Variants in NBAS observed in about 807,000 individuals in gnomAD.
The protein encoded by NBAS is NBAS subunit of NRZ tethering complex.
A neutral mutation model predicts 302.5 loss-of-function variants in NBAS; 219 were observed. The ratio of observed to expected loss-of-function variants is 0.72; its 90% CI spans 0.65 to 0.81. The LOEUF is 0.81. Among genes scored for constraint, NBAS ranks in the 30% least tolerant of loss-of-function variants. NBAS has a pLI of 0.00. For missense variants in NBAS, 2,932 were observed against 2,841.6 expected, an observed-to-expected ratio of 1.03 and a Z score of -0.72; for synonymous variants, 1,118 against 1,021.6, an observed-to-expected ratio of 1.09 and a Z score of -1.80.
intron 33 of NBAS, among the ~76,000 whole-genome samples, chr2:15,355,842 G>A (rs552018159): frequency 1.2e-3 from 185 of 152,090 alleles, no homozygotes; most frequent in Admixed American, 2.9e-3. Context: ...ACTGTGAGCC[G>A]ATTAAACCTC....
At chr2:14,942,262 T>C in the NBAS span, among the ~76,000 whole-genome samples, 1 of 152,144 alleles carries the variant, frequency 6.6e-6, no homozygotes, top group Middle Eastern at 3.2e-3. Context: ...CCAAATCTCG[T>C]GTCAAATAGT....
At chr2:15,234,407 G>A (rs1027393087) in intron 46 of NBAS, 138 bp downstream of exon 46, 5 of 854,938 alleles carry the variant, frequency 5.8e-6, no homozygotes, top group Admixed American at 4.0e-5. Context: ...AAGACTATGA[G>A]AACTCTAAAA....
At chr2:15,389,222 C>T (rs1178121468) in intron 28 of NBAS, among the ~76,000 whole-genome samples, 1 of 152,176 alleles carries the variant, frequency 6.6e-6, no homozygotes, top group African/African-American at 2.4e-5. Flanking sequence ...CAATACTGAG[C>T]CCTAGTCCAC....
the NBAS span, among the ~76,000 whole-genome samples, chr2:15,034,065 GGAA>G: frequency 2.1e-5 from 1 of 46,762 alleles, no homozygotes; most frequent in African/African-American, 1.1e-4. Flanking sequence ...GAGGAGGAGG[GGAA>G]GGAGAGGAAG....
chr2:15,327,001 C>T (rs1672100040), intron 38 of NBAS, among the ~76,000 whole-genome samples: 1 of 152,122 alleles, frequency 6.6e-6, no homozygotes, highest in South Asian at 2.1e-4. Context: ...GCTCAGTTAA[C>T]AGACGGCACT....
At chr2:15,099,476 G>C in the NBAS span, among the ~76,000 whole-genome samples, 1 of 151,954 alleles carries the variant, frequency 6.6e-6, no homozygotes, top group African/African-American at 2.4e-5. Flanking sequence ...GGAGCACAGA[G>C]GAAGAAGTTA....
At chr2:15,486,943 T>C (rs1680652932) in intron 12 of NBAS, among the ~76,000 whole-genome samples, 1 of 152,066 alleles carries the variant, frequency 6.6e-6, no homozygotes, top group Admixed American at 6.6e-5. Flanking sequence ...GTCTCTGGAT[T>C]TTCAGTAAAC....
chr2:15,179,179 GGCTGGATCATTCCACCCCTTTTTCT>G, intron 50 of NBAS, 63 bp from the exon 51 acceptor site: 1 of 1,611,802 alleles, frequency 6.2e-7, no homozygotes, highest in Middle Eastern at 1.9e-4. Context: ...GCACGGTTCT[GGCTGGATCATTCCACCCCTTTTTCT>G]GTGGTAGCGT....
At chr2:15,282,472 G>A (rs1040424647) in intron 42 of NBAS, among the ~76,000 whole-genome samples, 3 of 152,052 alleles carry the variant, frequency 2.0e-5, no homozygotes, top group Admixed American at 2.0e-4. Context: ...ACCCATTCTT[G>A]CATCTGGGAC....
chr2:15,342,777 A>G (rs1229625199), intron 35 of NBAS, among the ~76,000 whole-genome samples: 1 of 152,120 alleles, frequency 6.6e-6, no homozygotes, highest in Non-Finnish European at 1.5e-5. Context: ...TAGATGTTTC[A>G]CATCTAATTT....
the NBAS span, among the ~76,000 whole-genome samples, chr2:14,877,620 G>A: frequency 2.6e-5 from 4 of 152,030 alleles, no homozygotes; most frequent in Admixed American, 6.5e-5. Flanking sequence ...GGGGAGTTAG[G>A]AAAACATGGG....
chr2:14,990,126 A>G, the NBAS span, among the ~76,000 whole-genome samples: 2 of 151,826 alleles, frequency 1.3e-5, no homozygotes, highest in Non-Finnish European at 2.9e-5. Flanking sequence ...TAAATTGTTA[A>G]AACAGGCCAG....
the NBAS span, among the ~76,000 whole-genome samples, chr2:14,986,328 C>G: frequency 1.3e-5 from 2 of 152,090 alleles, no homozygotes; most frequent in Admixed American, 6.5e-5. Flanking sequence ...ATAGAGTAGC[C>G]CATTAAATCC....
the NBAS span, among the ~76,000 whole-genome samples, chr2:14,882,819 C>G: frequency 6.6e-6 from 1 of 152,212 alleles, no homozygotes; most frequent in Non-Finnish European, 1.5e-5. Context: ...ATAGTAGGAG[C>G]CTGATAGGTT....
chr2:14,816,275 C>T, the NBAS span, among the ~76,000 whole-genome samples: 1 of 152,222 alleles, frequency 6.6e-6, no homozygotes, highest in Non-Finnish European at 1.5e-5. Context: ...AGCTCCACCT[C>T]CTGTCAGATT....
the NBAS span, among the ~76,000 whole-genome samples, chr2:14,913,691 CA>C: frequency 3.3e-5 from 5 of 152,020 alleles, no homozygotes; most frequent in African/African-American, 9.7e-5. Context: ...GGGCATCAGG[CA>C]GGGGAAACAG....
At chr2:15,034,142 GAA>G in the NBAS span, among the ~76,000 whole-genome samples, 2 of 143,026 alleles carry the variant, frequency 1.4e-5, no homozygotes, top group East Asian at 2.1e-4. Context: ...AAGAGGGAGA[GAA>G]AGAGGGAGGA....
intron 33 of NBAS, 36 bp from the exon 34 acceptor site, chr2:15,353,746 A>C: frequency 6.2e-7 from 1 of 1,613,578 alleles, no homozygotes; most frequent in Non-Finnish European, 8.5e-7. Context: ...GATTCCCAAA[A>C]GAAGAAGAAT....
In NBAS at chr2:15,275,904, A is replaced by G. The variant is rs532669107; in HGVS notation, c.5390-86T>C. The G allele has an allele frequency of 5.2e-6, 6 of 1,153,714 alleles. 1 individual carries two copies. The African/African-American group carries it at 9.2e-5, about 18-fold the overall frequency. 71.5% of individuals were successfully genotyped at this position (1,153,714 alleles called of 1,614,324 possible). On this transcript the variant is annotated intron_variant, in intron 43 of 51. Coordinates refer to ENST00000281513, the MANE Select transcript of NBAS (RefSeq NM_015909.4). ...TTCAAACACACACACATAGCCCTCT[A>G]TATGTCTGAACGCAAAGATCTATCA... is the stretch of plus-strand genomic sequence containing the variant.
Sources: allele counts gnomAD v4.1 joint callset (sites outside exome capture counted in the v4.1 genomes callset), GRCh38; gene constraint gnomAD v4.1.1; transcripts MANE v1.5; gene names NCBI Gene and HGNC (gene_info 2026-07-23, HGNC 2026-07-21).